Variants in CCNH observed in about 807,000 individuals in gnomAD.
CCNH encodes the protein cyclin H.
Under a neutral mutation model 41.9 loss-of-function variants are expected in CCNH, and 31 were observed. The ratio of observed to expected loss-of-function variants is 0.74; its 90% CI spans 0.56 to 1.00. The LOEUF (loss-of-function observed/expected upper bound fraction) is 1.00. Ranked by LOEUF, CCNH falls within the 50% of genes least tolerant of loss-of-function variation. The probability of loss-of-function intolerance (pLI) is 0.00; values close to 1 mark genes in which losing one functional copy is unlikely to be tolerated. For missense variants in CCNH, 362 were observed against 388.4 expected (o/e 0.93, Z 0.57); for synonymous variants, 138 against 136.1 (o/e 1.01, Z -0.10).
intron 9 of CCNH, chr5:87,363,299 G>C (rs1760254561): frequency 6.9e-7 from 1 of 1,456,976 alleles, no homozygotes; most frequent in Non-Finnish European, 9.6e-7. Flanking sequence ...TAATATGTAG[G>C]ATTTCACAAT....
Position 87,404,888 on chromosome 5 carries a change from A to G in CCNH, c.645T>C (p.Thr215=). ...LLYTPSQIAL[T]AILSSASRAG... is the part of the protein sequence containing the mutation. ...CCCTGGAGGCACTAGATAAAATGGC[A>G]GTCAGGGCAATTTGGGAAGGTGTGT... The change falls in exon 5 of 9, where the codon ACT becomes ACC. Residue 215 remains threonine, a synonymous_variant. Transcript: ENST00000256897. 2 of 1,613,594 alleles carry G rather than the reference A, an allele frequency of 1.2e-6. No individual in the cohort carries two copies. The highest frequency in any genetic ancestry group is 1.7e-6 in the Non-Finnish European group (2 of 1,179,678).
chr5:87,338,535 A>ATTTTTTTTT (rs1561292521), intron 9 of CCNH, among the ~76,000 whole-genome samples: 21 of 95,892 alleles, frequency 2.2e-4, no homozygotes, highest in African/African-American at 9.6e-4. Context: ...ATATATATAA[A>ATTTTTTTTT]ATTTTTTTTT....
rs1757677358 is a variant in CCNH, at chr5:87,332,517, A to G, written c.*91-13620T>C. On this transcript the variant is annotated intron_variant and NMD_transcript_variant, in intron 9 of 9. Coordinates refer to the CCNH transcript ENST00000645953. ...TTCCTGTTCAAATAGGATTATTGCT[A>G]TGTGTGGAGATTACTACATTGGTGG... The G allele has an allele frequency of 4.4e-6, 7 of 1,606,368 alleles. No homozygotes were observed. Among genetic ancestry groups the G allele is most frequent in the Non-Finnish European group, 4.3e-6 (5 of 1,173,432 alleles).
intron 9 of CCNH, chr5:87,331,319 T>G (rs1297252251): frequency 6.4e-7 from 1 of 1,569,256 alleles, no homozygotes; most frequent in Non-Finnish European, 8.8e-7. Flanking sequence ...GCTATTTATA[T>G]TGTAATATCT....
intron 9 of CCNH, among the ~76,000 whole-genome samples, chr5:87,355,186 G>C (rs1451811658): frequency 6.6e-6 from 1 of 152,178 alleles, no homozygotes; most frequent in Admixed American, 6.5e-5. Flanking sequence ...GATTTTCAGT[G>C]TAAAGAAAAC....
exon 1 of CCNH, chr5:87,376,948 T>C: frequency 1.2e-6 from 2 of 1,611,312 alleles, no homozygotes; most frequent in South Asian, 2.2e-5. Context: ...GACCGAACAC[T>C]ACTGGCCAGC....
intron 8 of CCNH, 101 bp downstream of exon 8, chr5:87,394,943 T>C (rs758018427): frequency 6.4e-7 from 1 of 1,573,458 alleles, no homozygotes; most frequent in South Asian, 1.2e-5. Flanking sequence ...AACCCACAAC[T>C]CTATAATGCC....
At chr5:87,365,093 G>A (rs930591529) in intron 9 of CCNH, among the ~76,000 whole-genome samples, 1 of 152,116 alleles carries the variant, frequency 6.6e-6, no homozygotes, top group Non-Finnish European at 1.5e-5. Context: ...TCAGTAATAT[G>A]AAATAGGTGG....
At chr5:87,353,660 G>A (rs990807218) in intron 9 of CCNH, among the ~76,000 whole-genome samples, 2 of 152,012 alleles carry the variant, frequency 1.3e-5, no homozygotes, top group Non-Finnish European at 2.9e-5. Context: ...TACGGTGAGA[G>A]GATTTGAGAA....
chr5:87,388,787 C>T (rs1379606833), downstream of CCNH, among the ~76,000 whole-genome samples: 2 of 152,148 alleles, frequency 1.3e-5, no homozygotes, highest in African/African-American at 4.8e-5. Context: ...AGACAAACTA[C>T]AGGAGCTTAA....
At chr5:87,409,983 T>C (rs933302803) in intron 2 of CCNH, among the ~76,000 whole-genome samples, 1 of 152,140 alleles carries the variant, frequency 6.6e-6, no homozygotes, top group African/African-American at 2.4e-5. Flanking sequence ...TTACTATCTC[T>C]ACAGAGAAGG....
At chr5:87,375,842 A>T (rs1761287122), downstream of CCNH, among the ~76,000 whole-genome samples, 1 of 152,208 alleles carries the variant, frequency 6.6e-6, no homozygotes, top group Non-Finnish European at 1.5e-5. Flanking sequence ...TAAAATGTTT[A>T]TTCTGTAGTT....
At chr5:87,359,135 G>A (rs944729187) in intron 9 of CCNH, among the ~76,000 whole-genome samples, 3 of 152,182 alleles carry the variant, frequency 2.0e-5, no homozygotes, top group African/African-American at 7.2e-5. Flanking sequence ...AACTACAACA[G>A]TGCCTGAGAC....
At chr5:87,380,383 A>C (rs1008716564), upstream of CCNH, 5 of 861,394 alleles carry the variant, frequency 5.8e-6, no homozygotes, top group South Asian at 6.8e-5. Context: ...GTGGCAAAAT[A>C]CTTTTTTGGG....
At chr5:87,318,831 C>T (rs1313798511) in exon 10 of CCNH, 1 of 152,224 alleles carries the variant, frequency 6.6e-6, no homozygotes, top group African/African-American at 2.4e-5. Context: ...GTCTTAACTC[C>T]TTCCAGCATT....
chr5:87,394,407 C>CTCTT lies in CCNH; in HGVS notation c.*35_*38dup. On this transcript the variant is annotated 3_prime_UTR_variant, in exon 9 of 9. Coordinates refer to ENST00000256897, the MANE Select transcript of CCNH (RefSeq NM_001239.4). ...TAAACGTTTGATATGCTTCCTACTT[C>CTCTT]TCTTGATTAGTTAGCATTGAGAAAT... 6.2e-7 allele frequency: 1 copy of CTCTT among 1,601,428 alleles called. No individual in the cohort carries two copies. The highest frequency in any genetic ancestry group is 8.5e-7 in the Non-Finnish European group (1 of 1,171,532).
Position 87,403,836 on chromosome 5 carries a change from A to G in CCNH, c.689+1008T>C, listed in dbSNP as rs187173133. On this transcript the variant is annotated intron_variant, in intron 5 of 8. Coordinates refer to ENST00000256897, the MANE Select transcript of CCNH (RefSeq NM_001239.4). ...TAATGGAAGTCCACATCTTAACTCC[A>G]TATACATCAGTAATTTACATGACTA... is the stretch of plus-strand genomic sequence containing the variant. 1.8e-3 allele frequency among the ~76,000 whole-genome samples: 280 copies of G among 152,296 alleles called. 3 individuals carry two copies. Among genetic ancestry groups the G allele is most frequent in the Non-Finnish European group, 5.9e-4 (40 of 68,018 alleles).
At chr5:87,343,151 C>T (rs1398297620) in intron 9 of CCNH, among the ~76,000 whole-genome samples, 1 of 152,060 alleles carries the variant, frequency 6.6e-6, no homozygotes, top group African/African-American at 2.4e-5. Flanking sequence ...TACAAGTAAC[C>T]TTTGAGATTA....
At chr5:87,345,434 A>G (rs1172943775) in intron 9 of CCNH, among the ~76,000 whole-genome samples, 1 of 152,154 alleles carries the variant, frequency 6.6e-6, no homozygotes, top group Non-Finnish European at 1.5e-5. Flanking sequence ...GTCCTCCAGA[A>G]TATAAAAATC....
Sources: allele counts gnomAD v4.1 joint callset (sites outside exome capture counted in the v4.1 genomes callset), GRCh38; gene constraint gnomAD v4.1.1; transcripts MANE v1.5; gene names NCBI Gene and HGNC (gene_info 2026-07-23, HGNC 2026-07-21).